The following SCIN variants were observed in gnomAD, a reference collection of about 807,000 sequenced individuals.
The protein encoded by SCIN is adseverin.
SCIN carries 91 observed loss-of-function variants against 91.8 expected under a neutral mutation model. The ratio of observed to expected loss-of-function variants is 0.99; its 90% CI spans 0.84 to 1.18. The LOEUF is 1.18. Among genes scored for constraint, SCIN ranks in the 50% most tolerant of loss-of-function variants. SCIN has a pLI of 0.00. For missense variants in SCIN, 1,087 were observed against 863.9 expected, an observed-to-expected ratio of 1.26 and a Z score of -3.24; for synonymous variants, 367 against 312.6, an observed-to-expected ratio of 1.17 and a Z score of -1.84.
At chr7:12,592,922 G>A (rs1379267523) in intron 3 of SCIN, among the ~76,000 whole-genome samples, 1 of 152,176 alleles carries the variant, frequency 6.6e-6, no homozygotes, top group Non-Finnish European at 1.5e-5. Flanking sequence ...TGATGGCAGT[G>A]GGGGCCGGGA....
At chr7:12,573,957 A>G (rs1057370456) in intron 1 of SCIN, among the ~76,000 whole-genome samples, 13 of 152,156 alleles carry the variant, frequency 8.5e-5, no homozygotes, top group African/African-American at 2.4e-4. Flanking sequence ...GGGTACATGC[A>G]ATGGTACAGC....
chr7:12,618,596 A>G (rs1783344864), intron 4 of SCIN, among the ~76,000 whole-genome samples: 2 of 152,086 alleles, frequency 1.3e-5, no homozygotes, highest in African/African-American at 4.8e-5. Flanking sequence ...ATAAGACCAC[A>G]GCTTTCTCGG....
Position 12,626,621 on chromosome 7 carries a change from T to G in SCIN, c.1019T>G (p.Phe340Cys). Residue 340 changes from phenylalanine to cysteine, a missense_variant, in exon 8 of 16, where the codon TTC (phenylalanine) becomes TGC (cysteine). Physicochemically the swap from Phe to Cys is radical, Grantham distance 205. Transcript: ENST00000297029. ...CCAGAAGGAGGTGAAACACCAATCTTCAAACAGTTTTTTAAGGACTGGAGA... is the reference window on the plus strand; with the variant it reads ...CCAGAAGGAGGTGAAACACCAATCTGCAAACAGTTTTTTAAGGACTGGAGA... The part of the protein sequence containing the change: ...VLPEGGETPI[F>C]KQFFKDWRDK... 5 of 1,551,924 alleles carry G rather than the reference T, an allele frequency of 3.2e-6. No homozygotes were observed. Among genetic ancestry groups the G allele is most frequent in the Non-Finnish European group, 4.4e-6 (5 of 1,147,098 alleles).
At chr7:12,603,535 C>G (rs1275041633) in intron 3 of SCIN, among the ~76,000 whole-genome samples, 2 of 152,108 alleles carry the variant, frequency 1.3e-5, no homozygotes, top group Non-Finnish European at 2.9e-5. Context: ...ACTCCCACAG[C>G]CACTCCAGGT....
At chr7:12,572,902 C>G (rs1377019781) in intron 1 of SCIN, among the ~76,000 whole-genome samples, 1 of 152,028 alleles carries the variant, frequency 6.6e-6, no homozygotes, top group Admixed American at 6.5e-5. Context: ...AGTTCATCAC[C>G]TCAAAGGTGC....
chr7:12,602,205 C>A (rs1245565068), intron 3 of SCIN, among the ~76,000 whole-genome samples: 1 of 152,154 alleles, frequency 6.6e-6, no homozygotes, highest in East Asian at 1.9e-4. Context: ...CCATGATGCC[C>A]ACCTGAGCCT....
rs756215601 is a variant in SCIN, at chr7:12,625,851, G to A, written c.981+1G>A. ...AATGAATTATTCCAAGAATACCCAA[G>A]TATGTGTGAAACTGAACTGGCTAGA... On this transcript the variant is annotated splice_donor_variant, in intron 7 of 15. Coordinates refer to ENST00000297029, the MANE Select transcript of SCIN (RefSeq NM_001112706.3). LOFTEE classifies it high-confidence loss of function. 1.7e-5 allele frequency: 28 copies of A among 1,600,242 alleles called. No individual in the cohort carries two copies. Among genetic ancestry groups the A allele is most frequent in the East Asian group, 2.2e-5 (1 of 44,594 alleles).
chr7:12,647,097 G>A (rs1421112232), intron 13 of SCIN, among the ~76,000 whole-genome samples: 1 of 151,998 alleles, frequency 6.6e-6, no homozygotes, highest in African/African-American at 2.4e-5. Context: ...TATTAACATT[G>A]CTATAAATTA....
intron 4 of SCIN, among the ~76,000 whole-genome samples, chr7:12,607,459 A>C (rs988497185): frequency 6.6e-6 from 1 of 152,276 alleles, no homozygotes; most frequent in Non-Finnish European, 1.5e-5. Context: ...TGTAAAATTA[A>C]AATAAGAAAA....
chr7:12,659,566 T>C lies in SCIN; in HGVS notation c.*6851T>C, dbSNP rs75773766. ...ATAAGTTGCAGGATAAGTATATCCATGGTCATCCAGGGGAAGAAAATGGCG... is the reference window on the plus strand; with the variant it reads ...ATAAGTTGCAGGATAAGTATATCCACGGTCATCCAGGGGAAGAAAATGGCG... On this transcript the variant is annotated 3_prime_UTR_variant, in exon 16 of 16. Coordinates refer to ENST00000297029, the MANE Select transcript of SCIN (RefSeq NM_001112706.3). 0.013 allele frequency: 1,935 copies of C among 152,382 alleles called. 13 individuals carry two copies. The highest frequency in any genetic ancestry group is 0.02 in the Middle Eastern group (6 of 294). 9.4% of individuals were successfully genotyped at this position (152,382 alleles called of 1,614,324 possible).
Position 12,596,808 on chromosome 7 carries a change from A to G in SCIN, c.517-7706A>G, listed in dbSNP as rs544610759. The stretch of plus-strand genomic sequence containing the variant: ...TCATCTGGTCCTGATGAGTGGCATC[A>G]CTACCAGCAACCAAGCTAGAATTGT... On this transcript the variant is annotated intron_variant, in intron 3 of 15. Transcript: ENST00000297029. Among the ~76,000 whole-genome samples the G allele has an allele frequency of 2.6e-5, 4 of 152,240 alleles. No individual in the cohort carries two copies. In the South Asian group the frequency reaches 8.3e-4, roughly 32 times the overall value.
rs554721936 is a variant in SCIN at position 12,631,614 on chromosome 7, C to G, written c.1319+2392C>G. Among the ~76,000 whole-genome samples the G allele has an allele frequency of 4.6e-5, 7 of 152,310 alleles. 1 individual carries two copies. The highest frequency in any genetic ancestry group is 1.7e-4 in the African/African-American group (7 of 41,576). Reference sequence around the variant, plus strand: ...AGAGAAAGAAGCCTGAGCTGGCATACTCAACCCCCTCACTGTGTGATGACC... The same window carrying G: ...AGAGAAAGAAGCCTGAGCTGGCATAGTCAACCCCCTCACTGTGTGATGACC... On this transcript the variant is annotated intron_variant, in intron 9 of 15. Coordinates refer to ENST00000297029, the MANE Select transcript of SCIN (RefSeq NM_001112706.3).
chr7:12,660,071 A>G lies in SCIN; in HGVS notation c.*7356A>G, dbSNP rs1359324548. ...AACATTGCTCCTGACTCCACCGCCTATCCCAAAACCTATAAGAACTAATGA... is the reference window on the plus strand; with the variant it reads ...AACATTGCTCCTGACTCCACCGCCTGTCCCAAAACCTATAAGAACTAATGA... On this transcript the variant is annotated 3_prime_UTR_variant, in exon 16 of 16. Transcript: ENST00000297029. The G allele has an allele frequency of 6.6e-6, 1 of 152,188 alleles. No homozygotes were observed. Among genetic ancestry groups the G allele is most frequent in the African/African-American group, 2.4e-5 (1 of 41,414 alleles). The allele number at this position is 152,188 out of a possible 1,614,324, so 9.4% of individuals were successfully genotyped here. A position where few individuals can be genotyped will look rare whatever the true frequency, so the allele number is the denominator to read the frequency against.
chr7:12,599,084 G>A (rs1351768639), intron 3 of SCIN, among the ~76,000 whole-genome samples: 1 of 152,054 alleles, frequency 6.6e-6, no homozygotes, highest in Non-Finnish European at 1.5e-5. Flanking sequence ...TGTAAATAGT[G>A]GCATAAAATA....
chr7:12,626,543 C>A, intron 7 of SCIN, 41 bp from the exon 8 acceptor site: 1 of 1,390,568 alleles, frequency 7.2e-7, no homozygotes, highest in Non-Finnish European at 9.8e-7. Context: ...CCCTTAATTT[C>A]TTATTTTCCT....
In SCIN at chr7:12,570,879, C is replaced by G. The variant is rs574597956; in HGVS notation, c.93C>G (p.Pro31=). The change falls in exon 1 of 16, where the codon CCC becomes CCG. Residue 31 remains proline (P), a synonymous_variant. Coordinates refer to ENST00000297029, the MANE Select transcript of SCIN (RefSeq NM_001112706.3). The stretch of plus-strand genomic sequence containing the variant: ...GGATTGAGAAGCTGGAGCTGGTGCC[C>G]GTGCCCCAGAGCGCTCACGGCGACT... The part of the protein sequence containing the change: ...VWRIEKLELV[P]VPQSAHGDFY... 6.4e-7 allele frequency: 1 copy of G among 1,551,526 alleles called. No individual in the cohort carries two copies. The highest frequency in any genetic ancestry group is 8.7e-7 in the Non-Finnish European group (1 of 1,146,948).
intron 13 of SCIN, among the ~76,000 whole-genome samples, chr7:12,648,295 C>CT (rs35618552): frequency 0.21 from 28,514 of 133,576 alleles, 3,925 homozygotes; most frequent in Non-Finnish European, 0.3. Flanking sequence ...CTCTCTCTCT[C>CT]TTTTTTTTTT....
At position 12,625,778 on chromosome 7, in the gene SCIN, C is replaced by G. The variant is rs760107860; in HGVS notation, c.909C>G (p.Pro303=). ...GTATTTTAGGTAAAGATGCTAATCC[C>G]CAAGAGAGGAAGGCTGCAATGAAGA... is the stretch of plus-strand genomic sequence containing the variant. ...IFVWKGKDAN[P]QERKAAMKTA... is the part of the protein sequence containing the mutation. The change falls in exon 7 of 16, where the codon CCC becomes CCG. Residue 303 remains proline (P), a synonymous_variant. Coordinates refer to ENST00000297029, the MANE Select transcript of SCIN (RefSeq NM_001112706.3). 9 of 1,610,564 alleles carry G rather than the reference C, an allele frequency of 5.6e-6. No individual in the cohort carries two copies. The highest frequency in any genetic ancestry group is 6.8e-6 in the Non-Finnish European group (8 of 1,177,748).
At chr7:12,586,410 C>T (rs971236558) in intron 3 of SCIN, among the ~76,000 whole-genome samples, 4 of 152,044 alleles carry the variant, frequency 2.6e-5, no homozygotes, top group African/African-American at 4.8e-5. Context: ...GAATGACTGT[C>T]ATCAAAAACA....
Sources: allele counts gnomAD v4.1 joint callset (sites outside exome capture counted in the v4.1 genomes callset), GRCh38; gene constraint gnomAD v4.1.1; transcripts MANE v1.5; gene names NCBI Gene and HGNC (gene_info 2026-07-23, HGNC 2026-07-21).